Variants in MAN1C1 observed in about 807,000 individuals in gnomAD.
MAN1C1 encodes the protein mannosidase alpha class 1C member 1.
Under a neutral mutation model 71.5 loss-of-function variants are expected in MAN1C1, and 49 were observed. The observed-to-expected ratio is 0.69, with a 90% CI of 0.54 to 0.87. The LOEUF (loss-of-function observed/expected upper bound fraction) is 0.87. Ranked by LOEUF, MAN1C1 falls within the 40% of genes least tolerant of loss-of-function variation. The pLI is 0.00. For missense variants in MAN1C1, 743 were observed against 835.0 expected (o/e 0.89, Z 1.36); for synonymous variants, 352 against 343.7 (o/e 1.02, Z -0.27).
chr1:25,774,553 C>T (rs1392859744), intron 8 of MAN1C1, among the ~76,000 whole-genome samples: 2 of 152,186 alleles, frequency 1.3e-5, no homozygotes, highest in African/African-American at 2.4e-5. Context: ...CTCCTGCAGG[C>T]GGCAAAGGAA....
rs1425515261 is a variant in MAN1C1, at chr1:25,725,062, T to C, written c.638-21606T>C. On this transcript the variant is annotated intron_variant, in intron 2 of 11. Transcript: ENST00000374332. The surrounding 1 kb of genome is among the most constrained non-coding windows in gnomAD (Gnocchi z 4.8). The stretch of plus-strand genomic sequence containing the variant: ...ACCAACCCAGAGATAAGCATTTCAA[T>C]TGGGAAATGTAATTAGCCAAGGAAA... Among the ~76,000 whole-genome samples, 1 of 152,216 alleles carries C rather than the reference T, an allele frequency of 6.6e-6. No homozygotes were observed. Among genetic ancestry groups the C allele is most frequent in the African/African-American group, 2.4e-5 (1 of 41,454 alleles).
intron 2 of MAN1C1, among the ~76,000 whole-genome samples, chr1:25,714,942 A>T (rs1391704418): frequency 6.6e-6 from 1 of 152,200 alleles, no homozygotes; most frequent in African/African-American, 2.4e-5. Context: ...AAAAAAACTC[A>T]AGCCCATTTA....
chr1:25,780,814 C>G, intron 9 of MAN1C1, 126 bp from the exon 10 acceptor site: 1 of 968,810 alleles, frequency 1.0e-6, no homozygotes, highest in South Asian at 1.5e-5. Flanking sequence ...GGCAGGGGCA[C>G]CCCACACCCA....
intron 1 of MAN1C1, among the ~76,000 whole-genome samples, chr1:25,673,670 G>A (rs1016071055): frequency 1.3e-5 from 2 of 152,178 alleles, no homozygotes; most frequent in Non-Finnish European, 2.9e-5. Flanking sequence ...GCTCTGAACT[G>A]CTATGCCTTA....
At chr1:25,636,053 G>A (rs1282548378) in intron 1 of MAN1C1, among the ~76,000 whole-genome samples, 1 of 152,202 alleles carries the variant, frequency 6.6e-6, no homozygotes, top group Non-Finnish European at 1.5e-5. Context: ...TAAAAGGGTA[G>A]GGGGTGTACG....
intron 1 of MAN1C1, among the ~76,000 whole-genome samples, chr1:25,672,353 C>T (rs2046004432): frequency 6.6e-6 from 1 of 152,164 alleles, no homozygotes; most frequent in African/African-American, 2.4e-5. Flanking sequence ...CCAGAAACAC[C>T]CTTGCAGACA....
intron 2 of MAN1C1, among the ~76,000 whole-genome samples, chr1:25,732,632 A>G (rs17163184): frequency 0.018 from 2,667 of 152,250 alleles, 67 homozygotes; most frequent in African/African-American, 0.06. Context: ...TCTTGCTCCC[A>G]CTGTGGAGGA....
chr1:25,640,381 G>A (rs1239180570), intron 1 of MAN1C1, among the ~76,000 whole-genome samples: 4 of 152,122 alleles, frequency 2.6e-5, no homozygotes, highest in Non-Finnish European at 5.9e-5. Flanking sequence ...TGATTTCCTG[G>A]GAAGACATTT....
At chr1:25,761,562 C>T (rs911994007) in intron 6 of MAN1C1, 3 of 151,104 alleles carry the variant, frequency 2.0e-5, no homozygotes, top group Non-Finnish European at 4.4e-5. Flanking sequence ...ATTTTATATC[C>T]TTTGATCAGC....
chr1:25,659,595 A>G (rs1222365901), intron 1 of MAN1C1, among the ~76,000 whole-genome samples: 1 of 152,200 alleles, frequency 6.6e-6, no homozygotes, highest in Admixed American at 6.5e-5. Context: ...ACATTGATGT[A>G]GCTTCTTTCT....
intron 2 of MAN1C1, among the ~76,000 whole-genome samples, chr1:25,740,448 T>C (rs570965427): frequency 2.0e-4 from 31 of 152,034 alleles, no homozygotes; most frequent in Admixed American, 1.4e-3. Flanking sequence ...TTGTTGTCGT[T>C]GTTGTTGTGA....
chr1:25,695,293 T>C (rs2124200516), intron 2 of MAN1C1, among the ~76,000 whole-genome samples: 1 of 152,278 alleles, frequency 6.6e-6, no homozygotes, highest in South Asian at 2.1e-4. Flanking sequence ...CAAACCTTCC[T>C]GGTAGTCACA....
chr1:25,712,208 C>T (rs60469848), intron 2 of MAN1C1, among the ~76,000 whole-genome samples: 22,143 of 152,234 alleles, frequency 0.15, 1,820 homozygotes, highest in East Asian at 0.3. Context: ...TATGCTCGGC[C>T]GGCGTCTTGG....
Position 25,764,078 on chromosome 1 carries a change from C to T in MAN1C1, c.1141+111C>T, listed in dbSNP as rs2047396837. The T allele has an allele frequency of 2.3e-6, 2 of 882,826 alleles. No individual in the cohort carries two copies. Among genetic ancestry groups the T allele is most frequent in the Non-Finnish European group, 3.6e-6 (2 of 549,150 alleles). The allele number at this position is 882,826 out of a possible 1,614,324, so 54.7% of individuals were successfully genotyped here. ...TGAGGATGTGTCTGTCAGAGCCATG[C>T]AGCCAGCAAGGCATTCGCTCGGTGC... On this transcript the variant is annotated intron_variant, in intron 7 of 11. Transcript: ENST00000374332. This position sits in a 1 kb window ranked among gnomAD's most constrained non-coding sequence, Gnocchi z 4.4.
At chr1:25,663,398 A>T (rs968170786) in intron 1 of MAN1C1, among the ~76,000 whole-genome samples, 2 of 152,010 alleles carry the variant, frequency 1.3e-5, no homozygotes, top group African/African-American at 2.4e-5. Context: ...ACTGAACCTT[A>T]TATATACTAT....
At chr1:25,638,157 T>C (rs1408258627) in intron 1 of MAN1C1, among the ~76,000 whole-genome samples, 1 of 152,134 alleles carries the variant, frequency 6.6e-6, no homozygotes, top group Non-Finnish European at 1.5e-5. Context: ...TTTCAGATTC[T>C]ATTTTTATGT....
In MAN1C1 at chr1:25,735,651, A is replaced by C. The variant is rs114565081; in HGVS notation, c.638-11017A>C. Reference sequence around the variant, plus strand: ...TATTCCACAGTGAGAGGCAGACCACAGTGTTGTTTGTGACTGCAGATAGGC... The same window carrying C: ...TATTCCACAGTGAGAGGCAGACCACCGTGTTGTTTGTGACTGCAGATAGGC... On this transcript the variant is annotated intron_variant, in intron 2 of 11. Coordinates refer to ENST00000374332, the MANE Select transcript of MAN1C1 (RefSeq NM_020379.4). This position sits in a 1 kb window ranked among gnomAD's most constrained non-coding sequence, Gnocchi z 4.6. Among the ~76,000 whole-genome samples, 737 of 152,314 alleles carry C rather than the reference A, an allele frequency of 4.8e-3. 8 individuals are homozygous for C. Among genetic ancestry groups the C allele is most frequent in the African/African-American group, 0.017 (699 of 41,554 alleles).
At chr1:25,664,007 T>C (rs1572132017) in intron 1 of MAN1C1, among the ~76,000 whole-genome samples, 2 of 152,192 alleles carry the variant, frequency 1.3e-5, no homozygotes, top group African/African-American at 4.8e-5. Context: ...GCTGGTAGGG[T>C]TCTTCTTGTG....
At chr1:25,675,585 G>C (rs1199907021) in intron 1 of MAN1C1, among the ~76,000 whole-genome samples, 13 of 90,458 alleles carry the variant, frequency 1.4e-4, no homozygotes, top group East Asian at 1.5e-3. Context: ...CTTATTTTGC[G>C]GGGGGGGGGG....
Sources: allele counts gnomAD v4.1 joint callset (sites outside exome capture counted in the v4.1 genomes callset), GRCh38; gene constraint gnomAD v4.1.1; non-coding constraint Gnocchi (gnomAD v3.1); transcripts MANE v1.5; gene names NCBI Gene and HGNC (gene_info 2026-07-23, HGNC 2026-07-21).